The following CNOT9 variants were observed in gnomAD, a reference collection of about 807,000 sequenced individuals.
CNOT9 encodes the protein CCR4-NOT transcription complex subunit 9.
In CNOT9, 8 loss-of-function variants were observed where a neutral mutation model predicts 37.4. The ratio of observed to expected loss-of-function variants is 0.21; its 90% CI spans 0.13 to 0.39. The LOEUF is 0.39. Among genes scored for constraint, CNOT9 ranks in the 10% least tolerant of loss-of-function variants. The pLI, the probability that CNOT9 is intolerant of heterozygous loss-of-function variation, is 1.00. For missense variants in CNOT9, 154 were observed against 365.3 expected, an observed-to-expected ratio of 0.42 and a Z score of 4.71; for synonymous variants, 120 against 137.6, an observed-to-expected ratio of 0.87 and a Z score of 0.90.
intron 3 of CNOT9, 57 bp downstream of exon 3, chr2:218,583,143 G>A (rs959976761): frequency 8.1e-5 from 82 of 1,015,764 alleles, no homozygotes; most frequent in Admixed American, 5.2e-4. Flanking sequence ...GGTCCTAAAC[G>A]TTCTCTGAAT....
rs1205304494 is a variant in CNOT9, at chr2:218,592,160, A to T, written c.541-144A>T. ...ATATTTATTATTCTTTGTACTATACATATATGATAAAGTTGTACATAATAT... is the reference window on the plus strand; with the variant it reads ...ATATTTATTATTCTTTGTACTATACTTATATGATAAAGTTGTACATAATAT... On this transcript the variant is annotated intron_variant, in intron 5 of 7. Coordinates refer to ENST00000273064, the MANE Select transcript of CNOT9 (RefSeq NM_005444.3). This position sits in a 1 kb window ranked among gnomAD's most constrained non-coding sequence, Gnocchi z 4.1. 1.6e-6 allele frequency: 1 copy of T among 632,184 alleles called. No homozygotes were observed. The highest frequency in any genetic ancestry group is 1.8e-5 in the African/African-American group (1 of 54,474). The allele number at this position is 632,184 out of a possible 1,614,324, so 39.2% of individuals were successfully genotyped here.
chr2:218,581,903 G>A (rs186335906), intron 2 of CNOT9, among the ~76,000 whole-genome samples: 213 of 151,928 alleles, frequency 1.4e-3, no homozygotes, highest in South Asian at 4.6e-3. Flanking sequence ...GCAACATGGC[G>A]AAACACCATT....
At chr2:218,587,826 A>C (rs999028228) in intron 5 of CNOT9, 131 bp downstream of exon 5, 4 of 451,664 alleles carry the variant, frequency 8.9e-6, no homozygotes, top group African/African-American at 8.1e-5. Context: ...AAAAATTATT[A>C]TGAAACAATT....
intron 7 of CNOT9, chr2:218,593,597 A>G: frequency 1.4e-6 from 2 of 1,475,286 alleles, no homozygotes; most frequent in Non-Finnish European, 1.8e-6. Flanking sequence ...TCATCTGATA[A>G]TACTGCTACC....
intron 5 of CNOT9, among the ~76,000 whole-genome samples, chr2:218,591,887 G>C (rs1202490031): frequency 6.6e-6 from 1 of 152,188 alleles, no homozygotes; most frequent in Non-Finnish European, 1.5e-5. Flanking sequence ...CTGTGCCATA[G>C]TAACTTTGTC....
chr2:218,589,298 A>G (rs1694698874), intron 5 of CNOT9: 1 of 152,102 alleles, frequency 6.6e-6, no homozygotes, highest in East Asian at 1.9e-4. Flanking sequence ...CAATTTTAGT[A>G]CATGTGCTGT....
intron 1 of CNOT9, among the ~76,000 whole-genome samples, chr2:218,579,261 T>C (rs1335850691): frequency 4.6e-5 from 7 of 152,212 alleles, no homozygotes; most frequent in Admixed American, 3.3e-4. Flanking sequence ...CTTCTAGAAA[T>C]GTTATATGTA....
intron 1 of CNOT9, among the ~76,000 whole-genome samples, chr2:218,570,408 G>T (rs1427217608): frequency 1.3e-5 from 2 of 152,186 alleles, no homozygotes; most frequent in African/African-American, 4.8e-5. Context: ...GATCTCCATT[G>T]TCAGTTCCAG....
intron 4 of CNOT9, among the ~76,000 whole-genome samples, chr2:218,586,699 G>C (rs936550949): frequency 2.0e-5 from 3 of 152,024 alleles, no homozygotes; most frequent in Admixed American, 2.0e-4. Flanking sequence ...ATGTTGGCCA[G>C]GCTGGTCTTG....
In CNOT9 at chr2:218,594,723, C is replaced by A. The variant is rs561457022; in HGVS notation, c.*447C>A. On this transcript the variant is annotated 3_prime_UTR_variant, in exon 8 of 8. Coordinates refer to ENST00000273064, the MANE Select transcript of CNOT9 (RefSeq NM_005444.3). ...CTGGAAGACTCAAGATATGTCTCTT[C>A]ATTCTCTCTCAGTATTTGTTTACTT... 2 of 159,794 alleles carry A rather than the reference C, an allele frequency of 1.3e-5. No homozygotes were observed. The highest frequency in any genetic ancestry group is 1.8e-4 in the East Asian group (1 of 5,462). 9.9% of individuals were successfully genotyped at this position (159,794 alleles called of 1,614,324 possible). A position where few individuals can be genotyped will look rare whatever the true frequency, so the allele number is the denominator to read the frequency against.
chr2:218,594,127 C>T lies in CNOT9; in HGVS notation c.751C>T (p.Gln251Ter). Reference protein sequence around the residue: ...DNPRAREALRQCLPDQLKDTT... With the variant: ...DNPRAREALR ...ATGTAGGGCACGTGAAGCACTCAGA[C>T]AGTGCCTCCCTGACCAGCTGAAAGA... Residue 251 changes from glutamine to a stop codon, truncating the protein, a stop_gained, in exon 8 of 8, where the codon CAG (glutamine) becomes TAG (stop). Coordinates refer to ENST00000273064, the MANE Select transcript of CNOT9 (RefSeq NM_005444.3). LOFTEE classifies it high-confidence loss of function. 1 of 1,614,232 alleles carries T rather than the reference C, an allele frequency of 6.2e-7. No individual in the cohort carries two copies. The highest frequency in any genetic ancestry group is 8.5e-7 in the Non-Finnish European group (1 of 1,180,016).
chr2:218,587,800 A>G, intron 5 of CNOT9, 105 bp downstream of exon 5: 2 of 499,200 alleles, frequency 4.0e-6, no homozygotes, highest in Non-Finnish European at 6.6e-6. Flanking sequence ...TTGTATGAAT[A>G]TTTTCTGTTT....
chr2:218,574,414 G>A (rs1694099173), intron 1 of CNOT9, among the ~76,000 whole-genome samples: 1 of 152,174 alleles, frequency 6.6e-6, no homozygotes, highest in Admixed American at 6.5e-5. Flanking sequence ...AGCTCACTGT[G>A]TATCCAAATC....
intron 7 of CNOT9, 157 bp from the exon 8 acceptor site, chr2:218,593,951 T>A: frequency 2.1e-6 from 2 of 959,340 alleles, no homozygotes; most frequent in Non-Finnish European, 3.1e-6. Flanking sequence ...TCTAAGCCTA[T>A]GCCTAATATA....
intron 7 of CNOT9, among the ~76,000 whole-genome samples, chr2:218,593,297 A>G (rs538092293): frequency 1.3e-5 from 2 of 152,360 alleles, no homozygotes; most frequent in East Asian, 3.9e-4. Flanking sequence ...TCCTGGGAAG[A>G]GAGCTAGCTT....
At chr2:218,573,995 G>A (rs1308643760) in intron 1 of CNOT9, 2 of 431,280 alleles carry the variant, frequency 4.6e-6, no homozygotes, top group African/African-American at 4.1e-5. Flanking sequence ...TTTGAGACAG[G>A]ATCTCGCTTT....
intron 1 of CNOT9, chr2:218,573,927 A>C (rs1574984439): frequency 3.1e-6 from 1 of 320,128 alleles, no homozygotes; most frequent in East Asian, 1.1e-4. Context: ...AAAGTTTTTT[A>C]ACACACTTAT....
At chr2:218,584,516 T>G in intron 3 of CNOT9, 96 bp from the exon 4 acceptor site, 1 of 853,516 alleles carries the variant, frequency 1.2e-6, no homozygotes, top group South Asian at 1.4e-5. Flanking sequence ...TCTGACAATG[T>G]TAAGGCCTTA....
chr2:218,568,931 A>AAG lies in CNOT9; in HGVS notation c.-19_-18dup. On this transcript the variant is annotated 5_prime_UTR_variant, in exon 1 of 8. Coordinates refer to ENST00000273064, the MANE Select transcript of CNOT9 (RefSeq NM_005444.3). ...GCGGGTCGGACGCGTCCGGCTGTGG[A>AAG]AGAGAGCGGCGGCCGCTCACAACAT... 1 of 1,607,478 alleles carries AAG rather than the reference A, an allele frequency of 6.2e-7. No homozygotes were observed. Among genetic ancestry groups the AAG allele is most frequent in the Non-Finnish European group, 8.5e-7 (1 of 1,176,922 alleles).
Sources: allele counts gnomAD v4.1 joint callset (sites outside exome capture counted in the v4.1 genomes callset), GRCh38; gene constraint gnomAD v4.1.1; non-coding constraint Gnocchi (gnomAD v3.1); transcripts MANE v1.5; gene names NCBI Gene and HGNC (gene_info 2026-07-23, HGNC 2026-07-21).